Variants in TP73 observed in about 807,000 individuals in gnomAD.
The protein encoded by TP73 is tumor protein p73.
Under a neutral mutation model 62.5 loss-of-function variants are expected in TP73, and 25 were observed. The observed-to-expected ratio is 0.40, with a 90% CI of 0.29 to 0.56. TP73 has a LOEUF of 0.56. Ranked by LOEUF, TP73 falls within the 20% of genes least tolerant of loss-of-function variation. The probability of loss-of-function intolerance (pLI) is 0.46; values close to 1 mark genes in which losing one functional copy is unlikely to be tolerated. For missense variants in TP73, 754 were observed against 913.3 expected, an observed-to-expected ratio of 0.83 and a Z score of 2.25; for synonymous variants, 423 against 377.5, an observed-to-expected ratio of 1.12 and a Z score of -1.40.
intron 10 of TP73, 63 bp downstream of exon 10, chr1:3,729,511 A>T: frequency 6.2e-7 from 1 of 1,607,716 alleles, no homozygotes; most frequent in South Asian, 1.1e-5. Context: ...CCCCCAGGAG[A>T]AGGCCAGGAG....
In TP73 at chr1:3,732,980, C is replaced by CCTG; in HGVS notation, c.1812_1813insCTG (p.Gly604_Gly605insLeu). 1 of 1,595,150 alleles carries CCTG rather than the reference C, an allele frequency of 6.3e-7. No individual in the cohort carries two copies. The highest frequency in any genetic ancestry group is 2.3e-5 in the East Asian group (1 of 43,950). On this transcript the variant is annotated inframe_insertion, in exon 14 of 14. Coordinates refer to ENST00000378295, the MANE Select transcript of TP73 (RefSeq NM_005427.4). ...TCCCCAACCGCGGCGGCCCAGGCGG[C>CCTG]GGCCCTGACGAGTGGGCGGACTTCG...
rs527544402 is a variant in TP73, at chr1:3,679,892, C to T, written c.-33-2441C>T. 1.6e-4 allele frequency among the ~76,000 whole-genome samples: 24 copies of T among 145,476 alleles called. No homozygotes were observed. The South Asian group carries it at 2.7e-3, about 16-fold the overall frequency. ...GTCTCTCTCTGCCTTTGTCTCTCTC[C>T]GTCTCTCTGTCTCTCTTCCTGTCTC... On this transcript the variant is annotated intron_variant, in intron 1 of 13. Coordinates refer to ENST00000378295, the MANE Select transcript of TP73 (RefSeq NM_005427.4).
chr1:3,723,313 A>G, intron 5 of TP73, 41 bp from the exon 6 acceptor site: 2 of 1,539,676 alleles, frequency 1.3e-6, no homozygotes, highest in South Asian at 2.3e-5. Flanking sequence ...AGGGGTGGGC[A>G]CCTCTATGCA....
At chr1:3,661,951 C>T (rs1315341132) in intron 1 of TP73, among the ~76,000 whole-genome samples, 2 of 150,570 alleles carry the variant, frequency 1.3e-5, no homozygotes, top group South Asian at 2.1e-4. Context: ...CCCAGCTACT[C>T]GGGAGGCTGA....
At chr1:3,673,267 C>T (rs1028251679) in intron 1 of TP73, among the ~76,000 whole-genome samples, 1 of 152,186 alleles carries the variant, frequency 6.6e-6, no homozygotes, top group African/African-American at 2.4e-5. Flanking sequence ...GCCAGGGACC[C>T]GGCAGCCAGC....
At chr1:3,732,449 AG>A (rs1642204583) in intron 13 of TP73, among the ~76,000 whole-genome samples, 1 of 150,204 alleles carries the variant, frequency 6.7e-6, no homozygotes, top group South Asian at 2.1e-4. Flanking sequence ...GGTCCACTCC[AG>A]GGGGCAGGGA....
intron 1 of TP73, among the ~76,000 whole-genome samples, chr1:3,673,916 G>C (rs970525572): frequency 6.6e-6 from 1 of 152,136 alleles, no homozygotes; most frequent in African/African-American, 2.4e-5. Context: ...AGCCGGGCCC[G>C]TGCCTCCCTT....
At position 3,699,799 on chromosome 1, in the gene TP73, G is replaced by C. The variant is rs1168576374; in HGVS notation, c.187-7750G>C. On this transcript the variant is annotated intron_variant, in intron 3 of 13. Transcript: ENST00000378295. The surrounding 1 kb of genome is among the most constrained non-coding windows in gnomAD (Gnocchi z 4.1). ...GAGGCGGAGGTGGAGCTGGGGAGGGGCCAGCGGGGCGTCAGGATTTCAGCT... is the reference window on the plus strand; with the variant it reads ...GAGGCGGAGGTGGAGCTGGGGAGGGCCCAGCGGGGCGTCAGGATTTCAGCT... Among the ~76,000 whole-genome samples, 2 of 152,158 alleles carry C rather than the reference G, an allele frequency of 1.3e-5. No homozygotes were observed. Among genetic ancestry groups the C allele is most frequent in the Non-Finnish European group, 2.9e-5 (2 of 68,010 alleles).
chr1:3,717,470 A>G (rs1235582944), intron 4 of TP73, among the ~76,000 whole-genome samples: 2 of 152,254 alleles, frequency 1.3e-5, no homozygotes, highest in Non-Finnish European at 2.9e-5. Context: ...TCAACAGCCG[A>G]AGATAAATAC....
intron 6 of TP73, 144 bp downstream of exon 6, chr1:3,723,613 C>G: frequency 1.5e-6 from 1 of 671,290 alleles, no homozygotes; most frequent in Non-Finnish European, 2.6e-6. Flanking sequence ...GCTCCCTGCT[C>G]TGTGATAAGT....
chr1:3,665,987 T>A (rs1222612965), intron 1 of TP73, among the ~76,000 whole-genome samples: 1 of 151,504 alleles, frequency 6.6e-6, no homozygotes, highest in Admixed American at 6.6e-5. Context: ...ATACAAAAAT[T>A]AGCTGGGTAT....
In TP73 at chr1:3,729,930, C is replaced by T. The variant is rs1641995758; in HGVS notation, c.1197-70C>T. 1.1e-5 allele frequency: 16 copies of T among 1,499,142 alleles called. 1 individual carries two copies. The South Asian group carries it at 2.0e-4, about 19-fold the overall frequency. 92.9% of individuals were successfully genotyped at this position (1,499,142 alleles called of 1,614,324 possible). On this transcript the variant is annotated intron_variant, in intron 10 of 13. Coordinates refer to ENST00000378295, the MANE Select transcript of TP73 (RefSeq NM_005427.4). ...ACCCATTCGCAGCATGGGGGCATCA[C>T]GGGCATGGGTGGTCGGTGGGCACGA...
At chr1:3,661,317 G>T (rs994790413) in intron 1 of TP73, among the ~76,000 whole-genome samples, 1 of 152,122 alleles carries the variant, frequency 6.6e-6, no homozygotes, top group African/African-American at 2.4e-5. Flanking sequence ...TGATTAAATA[G>T]AATCCCAGAT....
rs1389772168 is a variant in TP73, at chr1:3,672,957, G to A, written c.-33-9376G>A. ...GCCCACTCCAAGGCGCAAGCAAGCTGGGGCTGGGGTGCAGACTTCTCTTCC... is the reference window on the plus strand; with the variant it reads ...GCCCACTCCAAGGCGCAAGCAAGCTAGGGCTGGGGTGCAGACTTCTCTTCC... On this transcript the variant is annotated intron_variant, in intron 1 of 13. Transcript: ENST00000378295. This position sits in a 1 kb window ranked among gnomAD's most constrained non-coding sequence, Gnocchi z 5.3. 6.6e-6 allele frequency among the ~76,000 whole-genome samples: 1 copy of A among 152,204 alleles called. No individual in the cohort carries two copies.
chr1:3,664,844 C>A (rs1259726754), intron 1 of TP73, among the ~76,000 whole-genome samples: 3 of 152,192 alleles, frequency 2.0e-5, no homozygotes, highest in Non-Finnish European at 4.4e-5. Flanking sequence ...AAGATGTGCT[C>A]CCTCTTTAGA....
chr1:3,659,340 C>T (rs1385737021), intron 1 of TP73: 3 of 152,172 alleles, frequency 2.0e-5, no homozygotes, highest in African/African-American at 4.8e-5. Context: ...GAGGGTCCCT[C>T]GCACCTGGGC....
chr1:3,727,481 G>A (rs1278975995), intron 7 of TP73, 147 bp from the exon 8 acceptor site: 8 of 1,220,216 alleles, frequency 6.6e-6, no homozygotes, highest in East Asian at 2.6e-5. Flanking sequence ...TCCCTCTAGC[G>A]GGAACACTCG....
intron 3 of TP73, among the ~76,000 whole-genome samples, chr1:3,700,945 C>G (rs1003198644): frequency 6.6e-6 from 1 of 152,198 alleles, no homozygotes; most frequent in Non-Finnish European, 1.5e-5. Context: ...AGCTCCTGGC[C>G]GGTGAGGACA....
intron 4 of TP73, among the ~76,000 whole-genome samples, chr1:3,720,401 C>A (rs969626453): frequency 6.6e-6 from 1 of 152,190 alleles, no homozygotes; most frequent in African/African-American, 2.4e-5. Flanking sequence ...GGACGGAGGA[C>A]CTAGGAGGGG....
Sources: allele counts gnomAD v4.1 joint callset (sites outside exome capture counted in the v4.1 genomes callset), GRCh38; gene constraint gnomAD v4.1.1; non-coding constraint Gnocchi (gnomAD v3.1); transcripts MANE v1.5; gene names NCBI Gene and HGNC (gene_info 2026-07-23, HGNC 2026-07-21).